The following ZNF749 variants were observed in gnomAD, a reference collection of about 807,000 sequenced individuals.
The protein encoded by ZNF749 is zinc finger protein 749.
A neutral mutation model predicts 7.3 loss-of-function variants in ZNF749; 8 were observed. The ratio of observed to expected loss-of-function variants is 1.10; its 90% CI spans 0.64 to 1.98. The LOEUF is 1.98. Ranked by LOEUF, ZNF749 falls within the 30% of genes most tolerant of loss-of-function variation. The probability of loss-of-function intolerance (pLI) is 0.00; values close to 1 mark genes in which losing one functional copy is unlikely to be tolerated. For missense variants in ZNF749, 898 were observed against 932.4 expected, an observed-to-expected ratio of 0.96 and a Z score of 0.48; for synonymous variants, 310 against 322.4, an observed-to-expected ratio of 0.96 and a Z score of 0.41.
At position 57,445,481 on chromosome 19, in the gene ZNF749, C is replaced by T. The variant is rs774118050; in HGVS notation, c.2333C>T (p.Pro778Leu). The change falls in exon 3 of 3, where the codon CCT becomes CTT. Residue 778 changes from proline to leucine, a missense_variant. Transcript: ENST00000334181. Reference sequence around the variant, plus strand: ...CAGATAATTCATACTGGAAAAAGGCCTTAGTGGAGTGAATGCAGGAAAGTC... The same window carrying T: ...CAGATAATTCATACTGGAAAAAGGCTTTAGTGGAGTGAATGCAGGAAAGTC... The part of the protein sequence containing the change: ...KHQIIHTGKR[P>L] The T allele has an allele frequency of 3.4e-5, 55 of 1,602,064 alleles. No homozygotes were observed. The highest frequency in any genetic ancestry group is 4.4e-5 in the Non-Finnish European group (52 of 1,173,976).
In ZNF749 at chr19:57,442,331, T is replaced by C. The variant is rs1248610979; in HGVS notation, c.142+320T>C. On this transcript the variant is annotated intron_variant, in intron 2 of 2. Coordinates refer to ENST00000334181, the MANE Select transcript of ZNF749 (RefSeq NM_001023561.4). This position sits in a 1 kb window ranked among gnomAD's most constrained non-coding sequence, Gnocchi z 6.6. ...TCTGTCCAAATGTGTGAAACCTCTGTCCAAGGGTTTCCCTGTTCCCCTTGC... is the reference window on the plus strand; with the variant it reads ...TCTGTCCAAATGTGTGAAACCTCTGCCCAAGGGTTTCCCTGTTCCCCTTGC... 1.3e-5 allele frequency among the ~76,000 whole-genome samples: 2 copies of C among 152,208 alleles called. No individual in the cohort carries two copies. The highest frequency in any genetic ancestry group is 2.9e-5 in the Non-Finnish European group (2 of 68,036).
In ZNF749 at chr19:57,443,298, G is replaced by C. The variant is rs1033453110; in HGVS notation, c.150G>C (p.Trp50Cys). 1 of 1,597,086 alleles carries C rather than the reference G, an allele frequency of 6.3e-7. No homozygotes were observed. Among genetic ancestry groups the C allele is most frequent in the African/African-American group, 1.3e-5 (1 of 74,636 alleles). The stretch of plus-strand genomic sequence containing the variant: ...GCATTTCTGTTCTTACAGGTTGTTG[G>C]CATGGAGCCAAGGATGAGGAGGTAC... ...NFALLSSVGCWHGAKDEEVPS... is the reference protein window; with the variant it reads ...NFALLSSVGCCHGAKDEEVPS... Residue 50 changes from tryptophan to cysteine, a missense_variant, in exon 3 of 3, where the codon TGG (tryptophan) becomes TGC (cysteine). Coordinates refer to ENST00000334181, the MANE Select transcript of ZNF749 (RefSeq NM_001023561.4).
chr19:57,443,365 A>G lies in ZNF749; in HGVS notation c.217A>G (p.Ile73Val), dbSNP rs753324851. Residue 73 changes from isoleucine (I) to valine (V), a missense_variant, in exon 3 of 3, where the codon ATT becomes GTT. Ile to Val is a conservative substitution (Grantham distance 29, BLOSUM62 3). Transcript: ENST00000334181. Reference sequence around the variant, plus strand: ...TTCTGTAAGAGTGTTACAGGTCACAATTCCAAAGCCAGCTTTGTCCACCCT... The same window carrying G: ...TTCTGTAAGAGTGTTACAGGTCACAGTTCCAAAGCCAGCTTTGTCCACCCT... ...CVSVRVLQVT[I>V]PKPALSTLKA... 27 of 1,614,102 alleles carry G rather than the reference A, an allele frequency of 1.7e-5. No homozygotes were observed. The African/African-American group carries it at 1.7e-4, about 10-fold the overall frequency.
the ZNF749 span, among the ~76,000 whole-genome samples, chr19:57,429,358 C>G: frequency 6.6e-6 from 1 of 152,218 alleles, no homozygotes; most frequent in Non-Finnish European, 1.5e-5. This position sits in a 1 kb window ranked among gnomAD's most constrained non-coding sequence, Gnocchi z 4.2. Context: ...TCTCCACATT[C>G]TGGCTACTGT....
chr19:57,444,148 T>A lies in ZNF749; in HGVS notation c.1000T>A (p.Phe334Ile), dbSNP rs1454480586. Residue 334 changes from phenylalanine (F) to isoleucine (I), a missense_variant, in exon 3 of 3, where the codon TTT (phenylalanine) becomes ATT (isoleucine). Phe to Ile is a conservative substitution (Grantham distance 21, BLOSUM62 0). Transcript: ENST00000334181. Reference sequence around the variant, plus strand: ...CTATGAATGCAACAAGTGTGGGAAGTTTTTTATGTATAACTCCAAACTCAT... The same window carrying A: ...CTATGAATGCAACAAGTGTGGGAAGATTTTTATGTATAACTCCAAACTCAT... ...QPYECNKCGK[F>I]FMYNSKLIRH... 1.2e-6 allele frequency: 2 copies of A among 1,613,336 alleles called. No homozygotes were observed. The highest frequency in any genetic ancestry group is 1.3e-5 in the African/African-American group (1 of 74,740).
At chr19:57,443,220 G>T in intron 2 of ZNF749, 71 bp from the exon 3 acceptor site, 2 of 1,359,502 alleles carry the variant, frequency 1.5e-6, no homozygotes, top group Non-Finnish European at 2.0e-6. Flanking sequence ...GTGTCTCACA[G>T]ACATTTGTGA....
At position 57,442,201 on chromosome 19, in the gene ZNF749, C is replaced by T. The variant is rs2088998203; in HGVS notation, c.142+190C>T. On this transcript the variant is annotated intron_variant, in intron 2 of 2. Transcript: ENST00000334181. This position sits in a 1 kb window ranked among gnomAD's most constrained non-coding sequence, Gnocchi z 6.6. ...TGTACCACCTCCCCTTAAGCAGCCCCAGCTTCTGTTGCTCTGAAACTTTAC... is the reference window on the plus strand; with the variant it reads ...TGTACCACCTCCCCTTAAGCAGCCCTAGCTTCTGTTGCTCTGAAACTTTAC... Among the ~76,000 whole-genome samples the T allele has an allele frequency of 6.6e-6, 1 of 152,196 alleles. No individual in the cohort carries two copies. The highest frequency in any genetic ancestry group is 6.5e-5 in the Admixed American group (1 of 15,282).
chr19:57,433,459 A>G (rs1212717942), upstream of ZNF749, among the ~76,000 whole-genome samples: 1 of 152,200 alleles, frequency 6.6e-6, no homozygotes, highest in African/African-American at 2.4e-5. Flanking sequence ...CCATTTGTAT[A>G]GCAAATTTCT....
Position 57,445,515 on chromosome 19 carries a change from T to C in ZNF749, c.*30T>C. ...GTGAATGCAGGAAAGTCACCAAAAC[T>C]GTCACCTCATTCAGCACCAAAAGGT... On this transcript the variant is annotated 3_prime_UTR_variant, in exon 3 of 3. Transcript: ENST00000334181. 6.4e-7 allele frequency: 1 copy of C among 1,572,700 alleles called. No homozygotes were observed. The highest frequency in any genetic ancestry group is 8.6e-7 in the Non-Finnish European group (1 of 1,160,482).
rs2089035666 is a variant in ZNF749 at position 57,444,513 on chromosome 19, G to A, written c.1365G>A (p.Gln455=). The A allele has an allele frequency of 6.2e-7, 1 of 1,613,950 alleles. No homozygotes were observed. Among genetic ancestry groups the A allele is most frequent in the South Asian group, 1.1e-5 (1 of 91,084 alleles). Residue 455 remains glutamine, a synonymous_variant, in exon 3 of 3, where the codon CAG becomes CAA. Transcript: ENST00000334181. ...TTGTTAGAAAGTCCCACCTAGTTCA[G>A]CACCAGAAAATCCACACTGATGCAT... ...KAFVRKSHLV[Q]HQKIHTDAFS... is the part of the protein sequence containing the mutation.
At chr19:57,441,815 G>A (rs1372796763) in intron 1 of ZNF749, 70 bp from the exon 2 acceptor site, 1 of 1,583,834 alleles carries the variant, frequency 6.3e-7, no homozygotes, top group Admixed American at 1.8e-5. Context: ...ATTTTAAGTA[G>A]ATAAATACAG....
Position 57,445,080 on chromosome 19 carries a change from A to G in ZNF749, c.1932A>G (p.Glu644=). The change falls in exon 3 of 3, where the codon GAA becomes GAG. Residue 644 remains glutamate, a synonymous_variant. Transcript: ENST00000334181. ...HTGERPYECS[E]CGKFFRDSYK... ...GAGAAAGACCTTATGAGTGTAGTGA[A>G]TGTGGGAAATTTTTTAGAGATAGCT... 6.2e-7 allele frequency: 1 copy of G among 1,613,858 alleles called. No individual in the cohort carries two copies. Among genetic ancestry groups the G allele is most frequent in the South Asian group, 1.1e-5 (1 of 91,020 alleles).
At chr19:57,432,289 AAGG>A (rs1019451257), upstream of ZNF749, among the ~76,000 whole-genome samples, 10 of 151,130 alleles carry the variant, frequency 6.6e-5, no homozygotes, top group South Asian at 2.1e-4. Flanking sequence ...TAAAAAAAAA[AAGG>A]AGGCGGGGCG....
chr19:57,442,158 G>C lies in ZNF749; in HGVS notation c.142+147G>C. On this transcript the variant is annotated intron_variant, in intron 2 of 2. Coordinates refer to ENST00000334181, the MANE Select transcript of ZNF749 (RefSeq NM_001023561.4). The surrounding 1 kb of genome is among the most constrained non-coding windows in gnomAD (Gnocchi z 6.6). ...CCTGGCAAATGTGATAAGGCAGCCA[G>C]AGCTGGGCTGTGTATACTGTACCAC... The C allele has an allele frequency of 1.9e-6, 2 of 1,068,146 alleles. No homozygotes were observed. The highest frequency in any genetic ancestry group is 2.7e-6 in the Non-Finnish European group (2 of 739,908). 66.2% of individuals were successfully genotyped at this position (1,068,146 alleles called of 1,614,324 possible).
At chr19:57,435,658 C>T in intron 1 of ZNF749, 65 bp downstream of exon 1, 1 of 1,572,302 alleles carries the variant, frequency 6.4e-7, no homozygotes, top group Non-Finnish European at 8.6e-7. Context: ...CCCAAGGAGC[C>T]GCCCTGCAGG....
At position 57,447,090 on chromosome 19, in the gene ZNF749, A is replaced by G. The variant is rs2089073225; in HGVS notation, c.*1605A>G. On this transcript the variant is annotated 3_prime_UTR_variant, in exon 3 of 3. Transcript: ENST00000334181. ...TTTTCTTTAGTAATAAATTAACCTT[A>G]GTCTACTGTAACGTTTTTACTTCAT... Among the ~76,000 whole-genome samples the G allele has an allele frequency of 6.6e-6, 1 of 152,222 alleles. No individual in the cohort carries two copies. The highest frequency in any genetic ancestry group is 1.5e-5 in the Non-Finnish European group (1 of 68,028).
chr19:57,436,454 TC>T lies in ZNF749; in HGVS notation c.15+862del, dbSNP rs2088937290. Reference sequence around the variant, plus strand: ...AGGAAAGACCATGGTAGGGAGGGCATCTCTGATACTCCCTGCAGAAGGGAGC... The same window carrying T: ...AGGAAAGACCATGGTAGGGAGGGCATTCTGATACTCCCTGCAGAAGGGAGC... On this transcript the variant is annotated intron_variant, in intron 1 of 2. Coordinates refer to ENST00000334181, the MANE Select transcript of ZNF749 (RefSeq NM_001023561.4). The surrounding 1 kb of genome is among the most constrained non-coding windows in gnomAD (Gnocchi z 4.0). Among the ~76,000 whole-genome samples the T allele has an allele frequency of 2.0e-5, 3 of 152,158 alleles. No individual in the cohort carries two copies. Among genetic ancestry groups the T allele is most frequent in the African/African-American group, 7.2e-5 (3 of 41,438 alleles).
intron 1 of ZNF749, among the ~76,000 whole-genome samples, chr19:57,440,641 G>A (rs1396669097): frequency 6.6e-6 from 1 of 152,136 alleles, no homozygotes; most frequent in Non-Finnish European, 1.5e-5. Context: ...GGCCAGGGCT[G>A]CTGTTAGTAT....
In ZNF749 at chr19:57,435,598, G is replaced by A; in HGVS notation, c.15+5G>A. On this transcript the variant is annotated splice_donor_5th_base_variant and intron_variant, in intron 1 of 2. Coordinates refer to ENST00000334181, the MANE Select transcript of ZNF749 (RefSeq NM_001023561.4). ...GCGCCGATGAACCTGACCGAGGTGC[G>A]TGCAGCGTCCCAGGCCGCCCCGCCC... is the stretch of plus-strand genomic sequence containing the variant. 3 of 1,605,826 alleles carry A rather than the reference G, an allele frequency of 1.9e-6. No homozygotes were observed. The highest frequency in any genetic ancestry group is 2.2e-5 in the East Asian group (1 of 44,644).
Sources: gnomAD v4.1 joint callset for allele counts (sites outside exome capture counted in the v4.1 genomes callset) on GRCh38, gnomAD v4.1.1 for gene constraint, Gnocchi (gnomAD v3.1) non-coding constraint, MANE v1.5 for transcripts, NCBI Gene and HGNC (gene_info 2026-07-23, HGNC 2026-07-21) for gene names.